Variants in BIN1 observed in about 807,000 individuals in gnomAD.
The protein encoded by BIN1 is myc box-dependent-interacting protein 1.
A neutral mutation model predicts 82.0 loss-of-function variants in BIN1; 53 were observed. That is an observed-to-expected ratio of 0.65 (90% CI 0.52 to 0.81). The LOEUF (loss-of-function observed/expected upper bound fraction) is 0.81. Among genes scored for constraint, BIN1 ranks in the 40% least tolerant of loss-of-function variants. BIN1 has a pLI of 0.00. For synonymous variants in BIN1, 302 were observed against 328.0 expected (o/e 0.92, Z 0.86); for missense variants, 642 against 784.4 (o/e 0.82, Z 2.17).
At chr2:127,061,911 C>A (rs1315881510) in intron 10 of BIN1, among the ~76,000 whole-genome samples, 2 of 152,186 alleles carry the variant, frequency 1.3e-5, no homozygotes, top group African/African-American at 4.8e-5. Flanking sequence ...CCTCGACGAA[C>A]ACAGCCAGAG....
In BIN1 at chr2:127,076,701, G is replaced by A. The variant is rs1686659051; in HGVS notation, c.90C>T (p.Leu30=). The A allele has an allele frequency of 1.9e-6, 3 of 1,614,086 alleles. No individual in the cohort carries two copies. Among genetic ancestry groups the A allele is most frequent in the Non-Finnish European group, 2.5e-6 (3 of 1,180,016 alleles). The change falls in exon 2 of 19, where the codon CTC becomes CTT. Residue 30 remains leucine (L), a synonymous_variant. Coordinates refer to ENST00000316724, the MANE Select transcript of BIN1 (RefSeq NM_139343.3). ...TCTCATCTGCCTTCCCCAGCTTCTG[G>A]AGAACCTGCCGAAGCCAAGAGAGAA... ...KKLTRAQEKV[L]QKLGKADETK... is the part of the protein sequence containing the mutation.
intron 1 of BIN1, among the ~76,000 whole-genome samples, chr2:127,104,023 C>G (rs1278591048): frequency 6.6e-6 from 1 of 152,222 alleles, no homozygotes; most frequent in Non-Finnish European, 1.5e-5. Context: ...GGCCACAGGC[C>G]ATGGGACCTT....
chr2:127,101,377 G>A (rs1680330753), intron 1 of BIN1, among the ~76,000 whole-genome samples: 1 of 152,176 alleles, frequency 6.6e-6, no homozygotes, highest in Admixed American at 6.5e-5. Flanking sequence ...TCCACTTGCT[G>A]TGTGAGCTCC....
In BIN1 at chr2:127,068,784, G is replaced by A. The variant is rs1005475313; in HGVS notation, c.519+140C>T. The A allele has an allele frequency of 3.2e-5, 26 of 814,592 alleles. No individual in the cohort carries two copies. Among genetic ancestry groups the A allele is most frequent in the African/African-American group, 1.5e-4 (9 of 59,412 alleles). 50.5% of individuals were successfully genotyped at this position (814,592 alleles called of 1,614,324 possible). A position where few individuals can be genotyped will look rare whatever the true frequency, so the allele number is the denominator to read the frequency against. ...CACCCACAAGGGCCTCTCACTCACC[G>A]GCCTGGGCCCTGTATCGTCCCCACC... is the stretch of plus-strand genomic sequence containing the variant. On this transcript the variant is annotated intron_variant, in intron 6 of 18. Transcript: ENST00000316724. The surrounding 1 kb of genome is among the most constrained non-coding windows in gnomAD (Gnocchi z 4.9).
intron 8 of BIN1, 124 bp downstream of exon 8, chr2:127,063,809 G>T: frequency 7.0e-7 from 1 of 1,422,186 alleles, no homozygotes; most frequent in Non-Finnish European, 9.9e-7. Flanking sequence ...CACAGGCTGG[G>T]CACCGCAGCA....
rs1683256438 is a variant in BIN1, at chr2:127,053,628, G to A, written c.1240-183C>T. The A allele has an allele frequency of 3.6e-6, 3 of 829,524 alleles. No individual in the cohort carries two copies. The Admixed American group carries it at 6.1e-5, about 17-fold the overall frequency. The allele number at this position is 829,524 out of a possible 1,614,324, so 51.4% of individuals were successfully genotyped here. ...TGGCCGAGCTCCCGACACCTCTCAG[G>A]GAGCTTCAAGACCCCAAGCCAGGAT... On this transcript the variant is annotated intron_variant, in intron 13 of 18. Transcript: ENST00000316724.
At chr2:127,100,637 T>C (rs922603999) in intron 1 of BIN1, among the ~76,000 whole-genome samples, 8 of 152,164 alleles carry the variant, frequency 5.3e-5, no homozygotes, top group African/African-American at 1.9e-4. Context: ...ATGTTTAAGT[T>C]AATATTTGAC....
Position 127,050,881 on chromosome 2 carries a change from A to T in BIN1, c.1493T>A (p.Phe498Tyr). 1.2e-6 allele frequency: 2 copies of T among 1,613,930 alleles called. No individual in the cohort carries two copies. Among genetic ancestry groups the T allele is most frequent in the Middle Eastern group, 1.6e-4 (1 of 6,062 alleles). ...CACGGTGCCATTCACAGTTGCTGGG[A>T]AGGTCTCCACCACGACAGCAGGAAG... ...SSLPAVVVET[F>Y]PATVNGTVEG... Residue 498 changes from phenylalanine to tyrosine, a missense_variant, in exon 17 of 19, where the codon TTC becomes TAC. Physicochemically the swap from Phe to Tyr is conservative, Grantham distance 22. Coordinates refer to ENST00000316724, the MANE Select transcript of BIN1 (RefSeq NM_139343.3).
intron 3 of BIN1, 24 bp downstream of exon 3, chr2:127,070,738 A>G (rs925213621): frequency 1.2e-6 from 2 of 1,613,836 alleles, no homozygotes; most frequent in African/African-American, 2.7e-5. Flanking sequence ...TACACGGGCC[A>G]GGTGCGCTCT....
At chr2:127,076,240 C>T (rs780423888) in intron 2 of BIN1, among the ~76,000 whole-genome samples, 64 of 152,194 alleles carry the variant, frequency 4.2e-4, no homozygotes, top group Non-Finnish European at 7.9e-4. Context: ...TCAAACCCAG[C>T]CTGCTCCGCC....
Position 127,051,153 on chromosome 2 carries a change from C to A in BIN1, c.1461+1G>T. ...GCAGGGCTTTGTCCCTGCTGTCTTA[C>A]GGAGGCTGCTTCACTTGCCGCCGTC... On this transcript the variant is annotated splice_donor_variant, in intron 16 of 18. Coordinates refer to ENST00000316724, the MANE Select transcript of BIN1 (RefSeq NM_139343.3). LOFTEE classifies it high-confidence loss of function. 6.2e-7 allele frequency: 1 copy of A among 1,613,456 alleles called. No homozygotes were observed. Among genetic ancestry groups the A allele is most frequent in the Non-Finnish European group, 8.5e-7 (1 of 1,179,908 alleles).
intron 1 of BIN1, among the ~76,000 whole-genome samples, chr2:127,078,150 G>A (rs756089099): frequency 4.6e-5 from 7 of 152,318 alleles, no homozygotes; most frequent in South Asian, 4.1e-4. Context: ...CCACCCTGCC[G>A]GCCCTTGCAG....
Position 127,101,239 on chromosome 2 carries a change from A to G in BIN1, c.84+5621T>C, listed in dbSNP as rs532796876. 2.9e-3 allele frequency among the ~76,000 whole-genome samples: 439 copies of G among 152,246 alleles called. 3 individuals carry two copies. The highest frequency in any genetic ancestry group is 9.8e-3 in the African/African-American group (405 of 41,532). On this transcript the variant is annotated intron_variant, in intron 1 of 18. Coordinates refer to ENST00000316724, the MANE Select transcript of BIN1 (RefSeq NM_139343.3). ...GCACATCTGCACTCTTAATCCTAAA[A>G]GGAGGCTTGCCAAACAGGCAGCTTT...
In BIN1 at chr2:127,107,130, G is replaced by C. The variant is rs985202607; in HGVS notation, c.-187C>G. The stretch of plus-strand genomic sequence containing the variant: ...GACGGGCGAGCGAGCCAGCGAGCTA[G>C]CCAGCGAGCGACGCGGGGACAGAGG... On this transcript the variant is annotated 5_prime_UTR_variant, in exon 1 of 19. Coordinates refer to ENST00000316724, the MANE Select transcript of BIN1 (RefSeq NM_139343.3). The surrounding 1 kb of genome is among the most constrained non-coding windows in gnomAD (Gnocchi z 5.9). 3.5e-6 allele frequency: 2 copies of C among 571,386 alleles called. No homozygotes were observed. Among genetic ancestry groups the C allele is most frequent in the Non-Finnish European group, 5.3e-6 (2 of 378,404 alleles). 35.4% of individuals were successfully genotyped at this position (571,386 alleles called of 1,614,324 possible).
chr2:127,070,219 C>T, intron 4 of BIN1, 129 bp from the exon 5 acceptor site: 1 of 774,272 alleles, frequency 1.3e-6, no homozygotes, highest in Non-Finnish European at 2.2e-6. Flanking sequence ...GCCTCAGTTT[C>T]CCCATCTGTA....
In BIN1 at chr2:127,076,653, C is replaced by T; in HGVS notation, c.138G>A (p.Gln46=). 4 of 1,614,190 alleles carry T rather than the reference C, an allele frequency of 2.5e-6. No individual in the cohort carries two copies. The highest frequency in any genetic ancestry group is 1.6e-4 in the Middle Eastern group (1 of 6,062). Residue 46 remains glutamine (Q), a synonymous_variant, in exon 2 of 19, where the codon CAG becomes CAA. Transcript: ENST00000316724. ...GCTGCTTGTTGAAATTCTGGACGCA[C>T]TGCTCAAACTGCTCATCCTTGGTCT... ...ADETKDEQFE[Q]CVQNFNKQLT...
At position 127,068,969 on chromosome 2, in the gene BIN1, C is replaced by T. The variant is rs1300191232; in HGVS notation, c.474G>A (p.Glu158=). The T allele has an allele frequency of 6.2e-7, 1 of 1,614,212 alleles. No individual in the cohort carries two copies. The change falls in exon 6 of 19, where the codon GAG becomes GAA. Residue 158 remains glutamate (E), a synonymous_variant. Coordinates refer to ENST00000316724, the MANE Select transcript of BIN1 (RefSeq NM_139343.3). This position sits in a 1 kb window ranked among gnomAD's most constrained non-coding sequence, Gnocchi z 4.9. ...VDYDSARHHY[E]SLQTAKKKDE... is the part of the protein sequence containing the mutation. ...CCTTCTTTTTGGCAGTTTGAAGGGA[C>T]TCGTAGTGGTGCCGGGCACTGTCGT...
chr2:127,059,341 G>A lies in BIN1; in HGVS notation c.858-186C>T, dbSNP rs968791655. Among the ~76,000 whole-genome samples the A allele has an allele frequency of 2.0e-5, 3 of 151,832 alleles. No individual in the cohort carries two copies. Among genetic ancestry groups the A allele is most frequent in the Admixed American group, 1.3e-4 (2 of 15,264 alleles). On this transcript the variant is annotated intron_variant, in intron 10 of 18. Coordinates refer to ENST00000316724, the MANE Select transcript of BIN1 (RefSeq NM_139343.3). This position sits in a 1 kb window ranked among gnomAD's most constrained non-coding sequence, Gnocchi z 6.7. Reference sequence around the variant, plus strand: ...GGGGGGAGCCAAGGGACCTGGGCTTGGGGGGCTGGAAGTGGGAAGCCTGCC... The same window carrying A: ...GGGGGGAGCCAAGGGACCTGGGCTTAGGGGGCTGGAAGTGGGAAGCCTGCC...
rs961908324 is a variant in BIN1, at chr2:127,082,021, G to T, written c.85-5315C>A. 1.2e-4 allele frequency among the ~76,000 whole-genome samples: 18 copies of T among 152,208 alleles called. No homozygotes were observed. The highest frequency in any genetic ancestry group is 4.3e-4 in the African/African-American group (18 of 41,532). On this transcript the variant is annotated intron_variant, in intron 1 of 18. Transcript: ENST00000316724. This position sits in a 1 kb window ranked among gnomAD's most constrained non-coding sequence, Gnocchi z 6.1. ...AGACACAGACAGAGGACAGGCAGGC[G>T]GGCAGGGGGAAGGCCACTGTCAGAC...
Sources: allele counts gnomAD v4.1 joint callset (sites outside exome capture counted in the v4.1 genomes callset), GRCh38; gene constraint gnomAD v4.1.1; non-coding constraint Gnocchi (gnomAD v3.1); transcripts MANE v1.5; gene names NCBI Gene and HGNC (gene_info 2026-07-23, HGNC 2026-07-21).